TRHDE: variants seen among roughly 807,000 people sequenced by gnomAD.
TRHDE encodes thyrotropin-releasing hormone-degrading ectoenzyme.
TRHDE carries 72 observed loss-of-function variants against 125.7 expected under a neutral mutation model. The ratio of observed to expected loss-of-function variants is 0.57; its 90% CI spans 0.47 to 0.70. The LOEUF is 0.70. TRHDE is among the 30% of genes least tolerant of loss of function. The pLI, the probability that TRHDE is intolerant of heterozygous loss-of-function variation, is 0.00. For missense variants in TRHDE, 1,110 were observed against 1,327.1 expected, an observed-to-expected ratio of 0.84 and a Z score of 2.54; for synonymous variants, 509 against 509.1, an observed-to-expected ratio of 1.00 and a Z score of 0.00.
intron 2 of TRHDE, chr12:72,137,550 A>G (rs1009363609): frequency 1.3e-5 from 2 of 152,200 alleles, no homozygotes; most frequent in African/African-American, 2.4e-5. Flanking sequence ...ATCAACAAGG[A>G]AATCTGCCTT....
At chr12:72,495,074 T>G (rs1877853749) in intron 5 of TRHDE, among the ~76,000 whole-genome samples, 1 of 141,192 alleles carries the variant, frequency 7.1e-6, no homozygotes, top group Non-Finnish European at 1.5e-5. Context: ...TTTTTTTTTT[T>G]TTTTTTTTTT....
At chr12:72,396,373 T>G (rs1872790040) in intron 3 of TRHDE, among the ~76,000 whole-genome samples, 1 of 152,186 alleles carries the variant, frequency 6.6e-6, no homozygotes, top group Admixed American at 6.5e-5. Flanking sequence ...CTAAGTTTGC[T>G]GTGTAATGGT....
intron 2 of TRHDE, among the ~76,000 whole-genome samples, chr12:72,227,656 A>G (rs1250700721): frequency 6.6e-6 from 1 of 152,160 alleles, no homozygotes; most frequent in East Asian, 1.9e-4. Context: ...CATTAACTCA[A>G]AAGTCCACAG....
chr12:72,457,725 C>A (rs899179239), intron 3 of TRHDE, among the ~76,000 whole-genome samples: 4 of 152,072 alleles, frequency 2.6e-5, no homozygotes, highest in Non-Finnish European at 5.9e-5. Context: ...GAGGAACTGG[C>A]CTTAAGGCAC....
At chr12:72,627,152 G>A (rs1347243684) in intron 15 of TRHDE, among the ~76,000 whole-genome samples, 2 of 151,808 alleles carry the variant, frequency 1.3e-5, no homozygotes, top group Admixed American at 1.3e-4. Flanking sequence ...AAACGGTTGT[G>A]GCTTTAGACA....
At chr12:72,458,081 C>A (rs1047421417) in intron 3 of TRHDE, among the ~76,000 whole-genome samples, 1 of 151,996 alleles carries the variant, frequency 6.6e-6, no homozygotes, top group Non-Finnish European at 1.5e-5. Context: ...ATTATGAGAA[C>A]CCCTAACAGA....
rs183310339 is a variant in TRHDE, at chr12:72,573,638, T to C, written c.2132-1617T>C. Among the ~76,000 whole-genome samples, 7 of 152,116 alleles carry C rather than the reference T, an allele frequency of 4.6e-5. No individual in the cohort carries two copies. The East Asian group carries it at 1.3e-3, about 29-fold the overall frequency. On this transcript the variant is annotated intron_variant, in intron 10 of 18. Transcript: ENST00000261180. ...GAAAGCTGAGACAAGAATTTAGCTT[T>C]TCTTGTACTCTAGTACTCTTGTACT...
chr12:72,167,623 A>G (rs897668043), intron 2 of TRHDE: 5 of 152,208 alleles, frequency 3.3e-5, no homozygotes, highest in Admixed American at 3.3e-4. Context: ...CAATGATGGA[A>G]TGGCCTACTG....
chr12:72,538,742 T>C (rs952562742), intron 6 of TRHDE, among the ~76,000 whole-genome samples: 19 of 152,006 alleles, frequency 1.2e-4, no homozygotes, highest in Non-Finnish European at 1.5e-5. Context: ...AATGTCATCA[T>C]CCACTCTAGC....
intron 3 of TRHDE, among the ~76,000 whole-genome samples, chr12:72,445,032 A>G (rs549413837): frequency 1.3e-5 from 2 of 151,992 alleles, no homozygotes; most frequent in Admixed American, 1.3e-4. Flanking sequence ...CTTTCCAACA[A>G]GTACCTTCTT....
intron 5 of TRHDE, among the ~76,000 whole-genome samples, chr12:72,491,212 A>G (rs1877664473): frequency 6.6e-6 from 1 of 151,926 alleles, no homozygotes; most frequent in Non-Finnish European, 1.5e-5. Flanking sequence ...CATATTTTTA[A>G]AGGGTTATAT....
At chr12:72,427,212 A>G (rs1003914829) in intron 3 of TRHDE, among the ~76,000 whole-genome samples, 13 of 152,040 alleles carry the variant, frequency 8.6e-5, no homozygotes, top group Non-Finnish European at 1.3e-4. Flanking sequence ...CCCCTGATCT[A>G]GACAGTAGTA....
intron 12 of TRHDE, among the ~76,000 whole-genome samples, chr12:72,606,207 A>G (rs1864837): frequency 0.4 from 61,438 of 152,096 alleles, 14,420 homozygotes; most frequent in African/African-American, 0.64. Flanking sequence ...CAACCCTGTC[A>G]TTTTTGTGAC....
At chr12:72,157,836 G>A (rs1038870769) in intron 2 of TRHDE, among the ~76,000 whole-genome samples, 1 of 152,170 alleles carries the variant, frequency 6.6e-6, no homozygotes, top group Non-Finnish European at 1.5e-5. Flanking sequence ...AGTAATAAAA[G>A]CTGTAGAAAT....
At chr12:72,167,051 C>T (rs755182390) in intron 2 of TRHDE, among the ~76,000 whole-genome samples, 13 of 151,986 alleles carry the variant, frequency 8.6e-5, no homozygotes, top group African/African-American at 2.4e-4. Flanking sequence ...CCTTTGGATG[C>T]GCCCAGGGGC....
chr12:72,666,593 C>G lies in TRHDE; in HGVS notation c.*3398C>G, dbSNP rs1875122007. The G allele has an allele frequency of 6.6e-6, 1 of 151,878 alleles. No individual in the cohort carries two copies. The highest frequency in any genetic ancestry group is 1.5e-5 in the Non-Finnish European group (1 of 67,946). 9.4% of individuals were successfully genotyped at this position (151,878 alleles called of 1,614,324 possible). A position where few individuals can be genotyped will look rare whatever the true frequency, so the allele number is the denominator to read the frequency against. On this transcript the variant is annotated 3_prime_UTR_variant, in exon 19 of 19. Transcript: ENST00000261180. ...ACAATGTTTGTTGTTATTTTGGGAA[C>G]CAATATAACAACCTAAGTCTATCAC... is the stretch of plus-strand genomic sequence containing the variant.
At position 72,666,164 on chromosome 12, in the gene TRHDE, T is replaced by C. The variant is rs564924686; in HGVS notation, c.*2969T>C. The stretch of plus-strand genomic sequence containing the variant: ...AAGAACTGTTACACATTTTGTTTTA[T>C]TTGACTCATCACAAAAACATAATAA... On this transcript the variant is annotated 3_prime_UTR_variant, in exon 19 of 19. Transcript: ENST00000261180. The C allele has an allele frequency of 6.6e-6, 1 of 152,234 alleles. No homozygotes were observed. Among genetic ancestry groups the C allele is most frequent in the South Asian group, 2.1e-4 (1 of 4,822 alleles). The allele number at this position is 152,234 out of a possible 1,614,324, so 9.4% of individuals were successfully genotyped here. A position where few individuals can be genotyped will look rare whatever the true frequency, so the allele number is the denominator to read the frequency against.
At position 72,667,119 on chromosome 12, in the gene TRHDE, T is replaced by C. The variant is rs1875139660; in HGVS notation, c.*3924T>C. On this transcript the variant is annotated 3_prime_UTR_variant, in exon 19 of 19. Coordinates refer to ENST00000261180, the MANE Select transcript of TRHDE (RefSeq NM_013381.3). ...TTTAGTACTACTGGATTAGATGCAG[T>C]AAAGGAATCCCTAAGGAAGTTTACA... The C allele has an allele frequency of 6.6e-6, 1 of 151,982 alleles. No individual in the cohort carries two copies. The highest frequency in any genetic ancestry group is 2.1e-4 in the South Asian group (1 of 4,830). 9.4% of individuals were successfully genotyped at this position (151,982 alleles called of 1,614,324 possible).
chr12:72,353,274 T>A (rs1870668397), intron 2 of TRHDE, among the ~76,000 whole-genome samples: 1 of 151,724 alleles, frequency 6.6e-6, no homozygotes, highest in Admixed American at 6.6e-5. Context: ...CTGTGATCAC[T>A]CATTCACTTA....
Sources: gnomAD v4.1 joint callset for allele counts (sites outside exome capture counted in the v4.1 genomes callset) on GRCh38, gnomAD v4.1.1 for gene constraint, MANE v1.5 for transcripts, NCBI Gene and HGNC (gene_info 2026-07-23, HGNC 2026-07-21) for gene names.